The following CLSTN2 variants were observed in gnomAD, a reference collection of about 807,000 sequenced individuals.
CLSTN2 encodes the protein calsyntenin-2.
A neutral mutation model predicts 101.2 loss-of-function variants in CLSTN2; 48 were observed. That is an observed-to-expected ratio of 0.47 (90% confidence interval 0.38 to 0.60). The LOEUF (loss-of-function observed/expected upper bound fraction) is 0.60. Among genes scored for constraint, CLSTN2 ranks in the 20% least tolerant of loss-of-function variants. The pLI, the probability that CLSTN2 is intolerant of heterozygous loss-of-function variation, is 0.00. For synonymous variants in CLSTN2, 481 were observed against 463.6 expected (o/e 1.04, Z -0.48); for missense variants, 1,160 against 1,238.2 (o/e 0.94, Z 0.95).
chr3:140,470,829 G>A (rs915207433), intron 8 of CLSTN2, among the ~76,000 whole-genome samples: 25 of 152,168 alleles, frequency 1.6e-4, no homozygotes, highest in African/African-American at 5.6e-4. Flanking sequence ...AAGCCCCCCA[G>A]GAACCCCAGC....
intron 1 of CLSTN2, among the ~76,000 whole-genome samples, chr3:140,156,826 C>T (rs1416914493): frequency 6.6e-6 from 1 of 152,198 alleles, no homozygotes. Flanking sequence ...GGTCTGACCT[C>T]TTCAGACGTT....
At chr3:140,249,211 G>A (rs759058621) in intron 2 of CLSTN2, among the ~76,000 whole-genome samples, 16 of 152,164 alleles carry the variant, frequency 1.1e-4, no homozygotes, top group South Asian at 4.1e-4. Context: ...GAGAGAGGCC[G>A]TCCTGTCCCT....
chr3:140,232,003 A>G (rs890284631), intron 2 of CLSTN2, among the ~76,000 whole-genome samples: 35 of 152,192 alleles, frequency 2.3e-4, no homozygotes, highest in African/African-American at 8.0e-4. Context: ...GATAATGGGT[A>G]CTATATATCT....
chr3:140,345,638 G>T (rs1394657459), intron 2 of CLSTN2, among the ~76,000 whole-genome samples: 1 of 146,426 alleles, frequency 6.8e-6, no homozygotes, highest in East Asian at 2.0e-4. Context: ...AGGGCATGGA[G>T]CCAGAAGCAT....
chr3:140,278,474 T>C (rs1343078704), intron 2 of CLSTN2, among the ~76,000 whole-genome samples: 1 of 152,190 alleles, frequency 6.6e-6, no homozygotes, highest in African/African-American at 2.4e-5. Context: ...GAATTTAGCC[T>C]TCCAGTAACT....
At chr3:140,392,927 G>A (rs2088133994) in intron 2 of CLSTN2, among the ~76,000 whole-genome samples, 1 of 152,018 alleles carries the variant, frequency 6.6e-6, no homozygotes, top group Non-Finnish European at 1.5e-5. Context: ...TGCCGGTGGG[G>A]ACTCTGCAGA....
At chr3:140,277,774 A>G (rs1320609675) in intron 2 of CLSTN2, among the ~76,000 whole-genome samples, 2 of 152,190 alleles carry the variant, frequency 1.3e-5, no homozygotes, top group African/African-American at 4.8e-5. Context: ...CATCATTACT[A>G]TTGATTGCAC....
chr3:139,982,756 A>G (rs1260674472), intron 1 of CLSTN2, among the ~76,000 whole-genome samples: 1 of 152,202 alleles, frequency 6.6e-6, no homozygotes, highest in Non-Finnish European at 1.5e-5. Context: ...TGTAACCTGA[A>G]TAGAATAGAG....
chr3:140,455,057 C>T (rs1053168336), intron 6 of CLSTN2, among the ~76,000 whole-genome samples: 4 of 152,250 alleles, frequency 2.6e-5, no homozygotes, highest in Admixed American at 2.6e-4. Flanking sequence ...TTGCATCCCC[C>T]AAGGTAGAGC....
chr3:140,575,513 GTCTGACCTCGGTGGTT>G lies in CLSTN2; in HGVS notation c.*9263_*9278del, dbSNP rs1312112896. ...GAATCAATCCAACTGACTGCATCCA[GTCTGACCTCGGTGGTT>G]TCCATAAAGGGTTGTTGATGTCCTG... On this transcript the variant is annotated 3_prime_UTR_variant, in exon 17 of 17. Coordinates refer to ENST00000458420, the MANE Select transcript of CLSTN2 (RefSeq NM_022131.3). The G allele has an allele frequency of 6.6e-6, 1 of 152,210 alleles. No homozygotes were observed. Among genetic ancestry groups the G allele is most frequent in the Admixed American group, 6.5e-5 (1 of 15,278 alleles). 9.4% of individuals were successfully genotyped at this position (152,210 alleles called of 1,614,324 possible).
chr3:140,419,034 T>A (rs199498335), intron 4 of CLSTN2, among the ~76,000 whole-genome samples: 19,662 of 150,792 alleles, frequency 0.13, 1,326 homozygotes, highest in East Asian at 0.18. Context: ...GACCTTTTTT[T>A]AAAAAAAAAA....
At chr3:140,473,647 G>A (rs1933904188) in intron 8 of CLSTN2, among the ~76,000 whole-genome samples, 1 of 152,112 alleles carries the variant, frequency 6.6e-6, no homozygotes, top group Admixed American at 6.6e-5. Context: ...CAGAAGGGAT[G>A]TGGCCCTGCT....
At chr3:140,558,969 G>A (rs1576626785) in intron 12 of CLSTN2, 112 bp downstream of exon 12, 1 of 783,208 alleles carries the variant, frequency 1.3e-6, no homozygotes, top group Non-Finnish European at 2.1e-6. Flanking sequence ...TGGCTTAAAT[G>A]TATACATGGC....
chr3:140,084,237 C>G (rs1387893759), intron 1 of CLSTN2, among the ~76,000 whole-genome samples: 1 of 152,146 alleles, frequency 6.6e-6, no homozygotes, highest in African/African-American at 2.4e-5. Flanking sequence ...ACATCACTAC[C>G]CTGTGGTGGT....
At chr3:140,024,377 C>T (rs1331586725) in intron 1 of CLSTN2, among the ~76,000 whole-genome samples, 1 of 152,190 alleles carries the variant, frequency 6.6e-6, no homozygotes, top group Admixed American at 6.5e-5. Context: ...GCTGCCTTCC[C>T]CAGGGAGCCC....
At chr3:140,468,479 A>G (rs1933761228) in intron 8 of CLSTN2, among the ~76,000 whole-genome samples, 1 of 152,184 alleles carries the variant, frequency 6.6e-6, no homozygotes, top group African/African-American at 2.4e-5. Flanking sequence ...TCTGTTCCCA[A>G]AGTGGTGAAT....
At chr3:140,387,670 CT>C (rs1265452219) in intron 2 of CLSTN2, among the ~76,000 whole-genome samples, 1 of 152,146 alleles carries the variant, frequency 6.6e-6, no homozygotes, top group African/African-American at 2.4e-5. Context: ...CACACATTTT[CT>C]TAGAATTCTA....
intron 1 of CLSTN2, among the ~76,000 whole-genome samples, chr3:139,954,648 G>A (rs1445460504): frequency 2.0e-5 from 3 of 152,118 alleles, no homozygotes; most frequent in African/African-American, 7.2e-5. Context: ...CAGATTTCTC[G>A]AGTGTCTATT....
At chr3:140,389,728 G>A (rs1230958008) in intron 2 of CLSTN2, among the ~76,000 whole-genome samples, 2 of 152,104 alleles carry the variant, frequency 1.3e-5, no homozygotes, top group Non-Finnish European at 2.9e-5. Context: ...CACAGTGGTT[G>A]GACTGATTTA....
Sources: allele counts gnomAD v4.1 joint callset (sites outside exome capture counted in the v4.1 genomes callset), GRCh38; gene constraint gnomAD v4.1.1; transcripts MANE v1.5; gene names NCBI Gene and HGNC (gene_info 2026-07-23, HGNC 2026-07-21).